The following MIPOL1 variants were observed in gnomAD, a reference collection of about 807,000 sequenced individuals.
MIPOL1 encodes the protein mirror-image polydactyly gene 1 protein.
MIPOL1 carries 57 observed loss-of-function variants against 60.9 expected under a neutral mutation model. The ratio of observed to expected loss-of-function variants is 0.94; its 90% confidence interval spans 0.76 to 1.17. The LOEUF (loss-of-function observed/expected upper bound fraction) is 1.17, where lower values mean the gene tolerates loss of function less well. Among genes scored for constraint, MIPOL1 ranks in the 50% most tolerant of loss-of-function variants. MIPOL1 has a pLI of 0.00. For missense variants in MIPOL1, 551 were observed against 511.6 expected (o/e 1.08, Z -0.74); for synonymous variants, 179 against 168.8 (o/e 1.06, Z -0.47).
intron 7 of MIPOL1, among the ~76,000 whole-genome samples, chr14:37,292,462 A>T (rs945990289): frequency 8.6e-6 from 1 of 116,078 alleles, no homozygotes; most frequent in African/African-American, 2.9e-5. Flanking sequence ...TTTCCTTAAT[A>T]AACTTTTTTT....
intron 11 of MIPOL1, among the ~76,000 whole-genome samples, chr14:37,441,640 G>A (rs1191265018): frequency 1.3e-5 from 2 of 151,996 alleles, no homozygotes; most frequent in African/African-American, 4.8e-5. Context: ...CTATAGCCTC[G>A]TAGTATAATT....
intron 11 of MIPOL1, among the ~76,000 whole-genome samples, chr14:37,457,984 GA>G (rs2094495735): frequency 6.6e-6 from 1 of 151,652 alleles, no homozygotes; most frequent in African/African-American, 2.4e-5. Context: ...GACATGGGTT[GA>G]AAAAGATATA....
chr14:37,401,190 T>G (rs912439286), intron 10 of MIPOL1: 3 of 151,892 alleles, frequency 2.0e-5, no homozygotes, highest in African/African-American at 7.3e-5. Flanking sequence ...CAAAACATAA[T>G]TTGTGGAAAA....
chr14:37,538,016 A>G (rs2095513984), intron 12 of MIPOL1, among the ~76,000 whole-genome samples: 1 of 152,206 alleles, frequency 6.6e-6, no homozygotes, highest in African/African-American at 2.4e-5. Flanking sequence ...TGAAATAGAT[A>G]TAAGTGCTTC....
chr14:37,488,293 A>G (rs1420458676), intron 11 of MIPOL1, among the ~76,000 whole-genome samples: 2 of 152,218 alleles, frequency 1.3e-5, no homozygotes, highest in African/African-American at 4.8e-5. Flanking sequence ...AAGAATGTAT[A>G]TTCTCTCAAT....
At chr14:37,317,510 A>G (rs1418872884) in intron 9 of MIPOL1, among the ~76,000 whole-genome samples, 1 of 152,164 alleles carries the variant, frequency 6.6e-6, no homozygotes. Context: ...GTGAGGGACC[A>G]GAGAGTTATT....
chr14:37,254,656 A>G (rs1974634269), intron 3 of MIPOL1, among the ~76,000 whole-genome samples: 1 of 151,690 alleles, frequency 6.6e-6, no homozygotes. Flanking sequence ...TTCGTGAGCT[A>G]ATAGGATTTC....
At chr14:37,283,474 T>C (rs1341195736) in intron 6 of MIPOL1, among the ~76,000 whole-genome samples, 2 of 152,186 alleles carry the variant, frequency 1.3e-5, no homozygotes, top group Non-Finnish European at 2.9e-5. Flanking sequence ...TTCTGAATAA[T>C]TTCTCTTTCA....
intron 10 of MIPOL1, among the ~76,000 whole-genome samples, chr14:37,370,457 A>G (rs967220831): frequency 6.6e-6 from 1 of 152,296 alleles, no homozygotes. Flanking sequence ...AAGATTTGCT[A>G]CCAAGAATAT....
intron 9 of MIPOL1, among the ~76,000 whole-genome samples, chr14:37,362,812 T>C (rs979303135): frequency 4.6e-5 from 7 of 152,204 alleles, no homozygotes; most frequent in Non-Finnish European, 1.0e-4. Context: ...TGTTTCTTTT[T>C]ACTCTTTTTT....
At chr14:37,198,849 A>G (rs942783747) in intron 1 of MIPOL1, among the ~76,000 whole-genome samples, 2 of 152,234 alleles carry the variant, frequency 1.3e-5, no homozygotes, top group Admixed American at 6.5e-5. Flanking sequence ...TCTTCCCCAG[A>G]TAACTTGAAT....
intron 12 of MIPOL1, among the ~76,000 whole-genome samples, chr14:37,543,397 T>C (rs1360074794): frequency 6.6e-6 from 1 of 152,110 alleles, no homozygotes; most frequent in East Asian, 1.9e-4. Context: ...TGTCTCAGCC[T>C]CCCGAATAGC....
chr14:37,267,044 C>T lies in MIPOL1; in HGVS notation c.126C>T (p.Ser42=), dbSNP rs2082927753. ...MNSEKSMHRK[S]TELVNEITCE... The stretch of plus-strand genomic sequence containing the variant: ...CTGAGAAAAGTATGCATCGGAAATC[C>T]ACTGAATTAGTTAATGAAATAACAT... The change falls in exon 4 of 13, where the codon TCC becomes TCT. Residue 42 remains serine, a synonymous_variant. Coordinates refer to ENST00000684589, the MANE Select transcript of MIPOL1 (RefSeq NM_001388067.1). The T allele has an allele frequency of 2.5e-6, 4 of 1,613,860 alleles. No individual in the cohort carries two copies. The highest frequency in any genetic ancestry group is 4.5e-5 in the East Asian group (2 of 44,824).
chr14:37,369,775 T>C (rs1381079968), intron 10 of MIPOL1, 151 bp downstream of exon 10: 3 of 459,982 alleles, frequency 6.5e-6, no homozygotes, highest in East Asian at 3.4e-5. Context: ...TACAGCACCC[T>C]TTTGTTATGG....
At chr14:37,406,713 AC>A (rs1255322026) in intron 10 of MIPOL1, among the ~76,000 whole-genome samples, 1 of 152,172 alleles carries the variant, frequency 6.6e-6, no homozygotes, top group East Asian at 1.9e-4. Context: ...GACCTCAAGA[AC>A]AGTTGGCTTG....
At chr14:37,346,072 G>T (rs1453960651) in intron 9 of MIPOL1, among the ~76,000 whole-genome samples, 4 of 152,156 alleles carry the variant, frequency 2.6e-5, no homozygotes, top group Non-Finnish European at 4.4e-5. Flanking sequence ...GCTCACGCCT[G>T]TAATCCCAGC....
intron 9 of MIPOL1, among the ~76,000 whole-genome samples, chr14:37,339,089 T>C (rs889368502): frequency 2.6e-5 from 4 of 152,186 alleles, no homozygotes; most frequent in African/African-American, 9.7e-5. Flanking sequence ...TATAAAACAG[T>C]GGACTTGTAC....
At chr14:37,241,375 A>C (rs562376951) in intron 1 of MIPOL1, among the ~76,000 whole-genome samples, 1 of 152,248 alleles carries the variant, frequency 6.6e-6, no homozygotes, top group South Asian at 2.1e-4. Context: ...AGACACACCT[A>C]GAATAATGCT....
rs532633712 is a variant in MIPOL1, at chr14:37,430,518, A to C, written c.1031+7569A>C. On this transcript the variant is annotated intron_variant, in intron 11 of 12. Coordinates refer to ENST00000684589, the MANE Select transcript of MIPOL1 (RefSeq NM_001388067.1). The stretch of plus-strand genomic sequence containing the variant: ...TTAAAATAGTTTTTTTTTTTAAAAA[A>C]AAGTATACATTTTCTGTATGTCCAG... Among the ~76,000 whole-genome samples, 706 of 149,578 alleles carry C rather than the reference A, an allele frequency of 4.7e-3. 5 individuals carry two copies. Among genetic ancestry groups the C allele is most frequent in the African/African-American group, 0.015 (626 of 41,148 alleles).
Sources: allele counts gnomAD v4.1 joint callset (sites outside exome capture counted in the v4.1 genomes callset), GRCh38; gene constraint gnomAD v4.1.1; transcripts MANE v1.5; gene names NCBI Gene and HGNC (gene_info 2026-07-23, HGNC 2026-07-21).